Variants in SEMA4D observed in about 807,000 individuals in gnomAD.
The protein encoded by SEMA4D is semaphorin-4D.
Under a neutral mutation model 74.8 loss-of-function variants are expected in SEMA4D, and 22 were observed. The observed-to-expected ratio is 0.29, with a 90% CI of 0.21 to 0.42. The LOEUF is 0.42. Among genes scored for constraint, SEMA4D ranks in the 10% least tolerant of loss-of-function variants. The probability of loss-of-function intolerance (pLI) is 1.00; values close to 1 mark genes in which losing one functional copy is unlikely to be tolerated. For synonymous variants in SEMA4D, 445 were observed against 463.7 expected (o/e 0.96, Z 0.52); for missense variants, 937 against 1,118.4 (o/e 0.84, Z 2.31).
intron 2 of SEMA4D, among the ~76,000 whole-genome samples, chr9:89,447,652 C>T (rs1047613484): frequency 6.6e-6 from 1 of 152,134 alleles, no homozygotes; most frequent in South Asian, 2.1e-4. Flanking sequence ...ACAGCCTAAC[C>T]GGGTGCCCGA....
At chr9:89,411,636 C>T (rs1844546870) in intron 2 of SEMA4D, among the ~76,000 whole-genome samples, 2 of 152,224 alleles carry the variant, frequency 1.3e-5, no homozygotes, top group South Asian at 2.1e-4. Context: ...GCATTAATTA[C>T]TCTCATAAAA....
chr9:89,373,519 G>C (rs1254596430), downstream of SEMA4D, among the ~76,000 whole-genome samples: 2 of 152,194 alleles, frequency 1.3e-5, no homozygotes, highest in African/African-American at 2.4e-5. Flanking sequence ...CCAAGACACA[G>C]GGTCACCCAG....
chr9:89,397,071 A>G (rs2133391217), intron 5 of SEMA4D, among the ~76,000 whole-genome samples: 1 of 152,160 alleles, frequency 6.6e-6, no homozygotes, highest in African/African-American at 2.4e-5. Flanking sequence ...GTTCACTGAG[A>G]CCCCAACCCC....
chr9:89,442,340 C>T (rs1851858459), intron 2 of SEMA4D, among the ~76,000 whole-genome samples: 1 of 152,228 alleles, frequency 6.6e-6, no homozygotes, highest in African/African-American at 2.4e-5. Flanking sequence ...AGGGAGCTAC[C>T]TGCTCTTTCC....
chr9:89,378,437 C>A lies in SEMA4D; in HGVS notation c.*267G>T. ...CAGAAAGGGCTCAGGAACTCCGTGC[C>A]GCCCGTGGGCCTTCTTCAAGTACTC... On this transcript the variant is annotated 3_prime_UTR_variant, in exon 16 of 16. Coordinates refer to ENST00000422704, the MANE Select transcript of SEMA4D (RefSeq NM_001371194.2). The A allele has an allele frequency of 2.4e-6, 1 of 415,054 alleles. No homozygotes were observed. Among genetic ancestry groups the A allele is most frequent in the Non-Finnish European group, 4.4e-6 (1 of 229,326 alleles). The allele number at this position is 415,054 out of a possible 1,614,324, so 25.7% of individuals were successfully genotyped here.
At chr9:89,444,184 G>A (rs564302136) in intron 2 of SEMA4D, among the ~76,000 whole-genome samples, 1 of 152,238 alleles carries the variant, frequency 6.6e-6, no homozygotes, top group East Asian at 1.9e-4. Flanking sequence ...CCACCTGGTG[G>A]TCTCTGTTTT....
At chr9:89,439,155 T>C (rs1471256931) in intron 2 of SEMA4D, among the ~76,000 whole-genome samples, 3 of 151,954 alleles carry the variant, frequency 2.0e-5, no homozygotes, top group African/African-American at 7.3e-5. Context: ...CTAATTTTTG[T>C]ATTTTTATTA....
chr9:89,449,948 T>C (rs1853946233), intron 2 of SEMA4D: 1 of 1,526,548 alleles, frequency 6.6e-7, no homozygotes, highest in African/African-American at 1.4e-5. Context: ...CTGATGTAGC[T>C]CAGGGGACCC....
intron 2 of SEMA4D, among the ~76,000 whole-genome samples, chr9:89,438,525 T>C (rs1228818740): frequency 1.3e-5 from 2 of 152,238 alleles, no homozygotes; most frequent in African/African-American, 4.8e-5. Flanking sequence ...CTGAAAGCTA[T>C]GCCAGTCAAA....
chr9:89,366,451 G>A (rs1183305276), intron 16 of SEMA4D, among the ~76,000 whole-genome samples: 5 of 152,264 alleles, frequency 3.3e-5, no homozygotes, highest in East Asian at 1.9e-4. Context: ...TTTGCCTGGC[G>A]GCCCATCTGG....
chr9:89,446,557 G>A (rs1481252827), intron 2 of SEMA4D, among the ~76,000 whole-genome samples: 2 of 152,182 alleles, frequency 1.3e-5, no homozygotes, highest in Admixed American at 6.5e-5. Flanking sequence ...TAAGCACCAC[G>A]GGGCCTCTCT....
intron 1 of SEMA4D, among the ~76,000 whole-genome samples, chr9:89,479,246 C>T (rs1862554659): frequency 6.6e-6 from 1 of 152,206 alleles, no homozygotes; most frequent in Non-Finnish European, 1.5e-5. Context: ...TTCCACCAAT[C>T]AAGGCAGTCA....
intron 1 of SEMA4D, among the ~76,000 whole-genome samples, chr9:89,468,575 A>G (rs1200821276): frequency 2.0e-5 from 3 of 152,228 alleles, no homozygotes; most frequent in Admixed American, 6.5e-5. Context: ...GGTTTTTCAA[A>G]CAGGCTAATT....
intron 3 of SEMA4D, among the ~76,000 whole-genome samples, 154 bp downstream of exon 3, chr9:89,405,197 T>C (rs1170914581): frequency 9.1e-3 from 448 of 49,246 alleles, no homozygotes; most frequent in Middle Eastern, 0.036. Flanking sequence ...CCTCAGCATC[T>C]CAGGAAGTGG....
At chr9:89,463,265 C>T (rs1199778256) in intron 1 of SEMA4D, among the ~76,000 whole-genome samples, 1 of 152,178 alleles carries the variant, frequency 6.6e-6, no homozygotes, top group Non-Finnish European at 1.5e-5. Context: ...TTTTCAGAAT[C>T]TTTGAATAGC....
intron 1 of SEMA4D, among the ~76,000 whole-genome samples, chr9:89,457,151 T>A (rs1356363899): frequency 6.6e-6 from 1 of 152,114 alleles, no homozygotes; most frequent in African/African-American, 2.4e-5. Flanking sequence ...ATCTTTCTGA[T>A]GAGCAGTAAC....
intron 16 of SEMA4D, chr9:89,364,083 T>G (rs1378737708): frequency 6.4e-7 from 1 of 1,558,880 alleles, no homozygotes; most frequent in African/African-American, 1.4e-5. Flanking sequence ...TCCAATTCAG[T>G]CCCTGGGACT....
chr9:89,394,436 G>A (rs528454846), intron 6 of SEMA4D, among the ~76,000 whole-genome samples: 1 of 152,352 alleles, frequency 6.6e-6, no homozygotes, highest in South Asian at 2.1e-4. Context: ...GGGCATCCAG[G>A]AGAAAAACAG....
downstream of SEMA4D, among the ~76,000 whole-genome samples, chr9:89,375,181 G>A (rs980125804): frequency 6.6e-5 from 10 of 152,212 alleles, no homozygotes; most frequent in Non-Finnish European, 8.8e-5. Flanking sequence ...TCCCCACCGA[G>A]GAGGAGCTTC....
Sources: allele counts gnomAD v4.1 joint callset (sites outside exome capture counted in the v4.1 genomes callset), GRCh38; gene constraint gnomAD v4.1.1; transcripts MANE v1.5; gene names NCBI Gene and HGNC (gene_info 2026-07-23, HGNC 2026-07-21).